Variants in ACACA observed in about 807,000 individuals in gnomAD.
The protein encoded by ACACA is acetyl-CoA carboxylase alpha.
In ACACA, 103 loss-of-function variants were observed where a neutral mutation model predicts 296.1. The ratio of observed to expected loss-of-function variants is 0.35; its 90% CI spans 0.30 to 0.41. The LOEUF is 0.41. Ranked by LOEUF, ACACA falls within the 10% of genes least tolerant of loss-of-function variation. The probability of loss-of-function intolerance (pLI) is 1.00; values close to 1 mark genes in which losing one functional copy is unlikely to be tolerated. For synonymous variants in ACACA, 953 were observed against 1,038.6 expected (o/e 0.92, Z 1.58); for missense variants, 1,554 against 2,989.7 (o/e 0.52, Z 11.20).
chr17:37,355,464 G>A (rs1253360418), intron 1 of ACACA, among the ~76,000 whole-genome samples: 3 of 151,652 alleles, frequency 2.0e-5, no homozygotes, highest in Non-Finnish European at 4.4e-5. Flanking sequence ...GCTGAGGCAG[G>A]AGAATCGCTT....
intron 1 of ACACA, chr17:37,358,878 G>A: frequency 1.1e-6 from 1 of 917,234 alleles, no homozygotes; most frequent in Non-Finnish European, 1.3e-6. Context: ...ATAGTGTGGA[G>A]CCCAGGCCGC....
intron 1 of ACACA, chr17:37,377,934 C>T (rs371795270): frequency 3.5e-5 from 57 of 1,612,756 alleles, no homozygotes; most frequent in African/African-American, 5.3e-5. Flanking sequence ...TCCCAAAAGA[C>T]GTGAGAAGCA....
intron 3 of ACACA, among the ~76,000 whole-genome samples, chr17:37,304,046 T>C (rs1484177081): frequency 6.6e-6 from 1 of 152,258 alleles, no homozygotes; most frequent in East Asian, 1.9e-4. Flanking sequence ...ATTTTCCTAA[T>C]ACTAATTAAT....
At chr17:37,168,985 T>A (rs1473225841) in intron 41 of ACACA, among the ~76,000 whole-genome samples, 1 of 152,226 alleles carries the variant, frequency 6.6e-6, no homozygotes, top group Non-Finnish European at 1.5e-5. Context: ...CGAAAGCTTT[T>A]ATTTATACAG....
chr17:37,129,793 G>A (rs1210521122), intron 46 of ACACA, among the ~76,000 whole-genome samples: 1 of 152,202 alleles, frequency 6.6e-6, no homozygotes, highest in Non-Finnish European at 1.5e-5. Flanking sequence ...CCACAATGAG[G>A]AGGAACCTTA....
intron 35 of ACACA, among the ~76,000 whole-genome samples, chr17:37,195,830 T>G (rs1259627106): frequency 6.6e-6 from 1 of 152,188 alleles, no homozygotes; most frequent in Non-Finnish European, 1.5e-5. Context: ...AAAGCATTCA[T>G]GCTTATTCCA....
chr17:37,276,776 GAAACCAAAGCCTTCTCC>G (rs1489482607), intron 7 of ACACA, among the ~76,000 whole-genome samples: 4 of 152,030 alleles, frequency 2.6e-5, no homozygotes, highest in Admixed American at 2.0e-4. Context: ...CAGAGTTTTA[GAAACCAAAGCCTTCTCC>G]ATATCTCCAT....
At chr17:37,173,934 C>A (rs1350881211) in intron 41 of ACACA, among the ~76,000 whole-genome samples, 1 of 134,990 alleles carries the variant, frequency 7.4e-6, no homozygotes, top group South Asian at 2.4e-4. Flanking sequence ...GTGCCTCAGT[C>A]TCCTGAGTAG....
intron 45 of ACACA, among the ~76,000 whole-genome samples, chr17:37,147,389 T>A (rs1029221175): frequency 1.3e-5 from 2 of 151,892 alleles, no homozygotes; most frequent in Admixed American, 1.3e-4. Flanking sequence ...GAAAGAGACA[T>A]GCACTCAGGG....
chr17:37,211,904 T>G (rs959027189), intron 29 of ACACA, among the ~76,000 whole-genome samples: 2 of 151,850 alleles, frequency 1.3e-5, no homozygotes, highest in Non-Finnish European at 2.9e-5. Context: ...CTCAGGAGAG[T>G]GGGTTTTATT....
At chr17:37,160,244 C>G (rs994205405) in intron 42 of ACACA, among the ~76,000 whole-genome samples, 1 of 152,102 alleles carries the variant, frequency 6.6e-6, no homozygotes, top group Non-Finnish European at 1.5e-5. Flanking sequence ...CACAAAAGAG[C>G]AGGAGGAAGT....
intron 25 of ACACA, among the ~76,000 whole-genome samples, chr17:37,233,396 A>G (rs779687368): frequency 6.6e-6 from 1 of 152,228 alleles, no homozygotes; most frequent in South Asian, 2.1e-4. Flanking sequence ...CTGAGCCCCT[A>G]TATCTTACAA....
At chr17:37,174,020 A>ATATATATATTTTTTTTT (rs552735515) in intron 41 of ACACA, among the ~76,000 whole-genome samples, 2 of 16,796 alleles carry the variant, frequency 1.2e-4, no homozygotes, top group African/African-American at 5.1e-4. Context: ...ATATATATAT[A>ATATATATATTTTTTTTT]TTTTTTTTTT....
chr17:37,219,272 C>T (rs150571928), intron 29 of ACACA, among the ~76,000 whole-genome samples: 4 of 152,286 alleles, frequency 2.6e-5, no homozygotes, highest in African/African-American at 7.2e-5. Context: ...TTGATAAACT[C>T]TGATTCCACA....
intron 2 of ACACA, among the ~76,000 whole-genome samples, chr17:37,337,187 G>C (rs1479126174): frequency 6.6e-6 from 1 of 152,078 alleles, no homozygotes; most frequent in Non-Finnish European, 1.5e-5. Context: ...TGGCAAGACT[G>C]CTAAAACAAA....
intron 1 of ACACA, among the ~76,000 whole-genome samples, chr17:37,352,072 A>G (rs984549031): frequency 6.6e-6 from 1 of 151,628 alleles, no homozygotes; most frequent in Non-Finnish European, 1.5e-5. Context: ...CTGGGACTAC[A>G]GGCGCCTGCC....
chr17:37,296,901 G>C lies in ACACA; in HGVS notation c.339-11931C>G, dbSNP rs546919000. Among the ~76,000 whole-genome samples, 3 of 150,526 alleles carry C rather than the reference G, an allele frequency of 2.0e-5. No homozygotes were observed. In the South Asian group the frequency reaches 6.3e-4, roughly 32 times the overall value. Reference sequence around the variant, plus strand: ...CCGGCTAATTTTTGTATTTTTAGTAGAGATGGAGTTTCGCCATGTTGCCCA... The same window carrying C: ...CCGGCTAATTTTTGTATTTTTAGTACAGATGGAGTTTCGCCATGTTGCCCA... On this transcript the variant is annotated intron_variant, in intron 3 of 55. Transcript: ENST00000616317.
chr17:37,315,773 C>T (rs1297366339), intron 3 of ACACA, among the ~76,000 whole-genome samples: 1 of 152,210 alleles, frequency 6.6e-6, no homozygotes, highest in African/African-American at 2.4e-5. Context: ...CTACCAGAAC[C>T]TCTATGTGTT....
At chr17:37,168,756 T>C (rs2076778263) in intron 41 of ACACA, among the ~76,000 whole-genome samples, 1 of 152,190 alleles carries the variant, frequency 6.6e-6, no homozygotes, top group Non-Finnish European at 1.5e-5. Context: ...AGAAATGCTC[T>C]GCAATGATGT....
Sources: allele counts gnomAD v4.1 joint callset (sites outside exome capture counted in the v4.1 genomes callset), GRCh38; gene constraint gnomAD v4.1.1; transcripts MANE v1.5; gene names NCBI Gene and HGNC (gene_info 2026-07-23, HGNC 2026-07-21).